FRAS1: variants seen among roughly 807,000 people sequenced by gnomAD.
The protein encoded by FRAS1 is extracellular matrix organizing protein FRAS1.
A neutral mutation model predicts 435.2 loss-of-function variants in FRAS1; 290 were observed. The observed-to-expected ratio is 0.67, with a 90% CI of 0.61 to 0.73. FRAS1 has a LOEUF of 0.73. Ranked by LOEUF, FRAS1 falls within the 30% of genes least tolerant of loss-of-function variation. The pLI is 0.00. For missense variants in FRAS1, 4,860 were observed against 5,001.5 expected, an observed-to-expected ratio of 0.97 and a Z score of 0.85; for synonymous variants, 1,800 against 1,851.0, an observed-to-expected ratio of 0.97 and a Z score of 0.71.
intron 50 of FRAS1, 48 bp from the exon 51 acceptor site, chr4:78,469,930 T>C: frequency 7.4e-7 from 1 of 1,343,144 alleles, no homozygotes; most frequent in Non-Finnish European, 1.1e-6. Flanking sequence ...CCTGACATAC[T>C]TCAGGTACTT....
intron 30 of FRAS1, among the ~76,000 whole-genome samples, chr4:78,401,422 C>T (rs1560706442): frequency 1.3e-5 from 2 of 152,178 alleles, no homozygotes; most frequent in African/African-American, 2.4e-5. Flanking sequence ...ATAAGGTGTT[C>T]GTAGCTGACT....
At position 78,149,674 on chromosome 4, in the gene FRAS1, T is replaced by C. The variant is rs373880980; in HGVS notation, c.108+83658T>C. Among the ~76,000 whole-genome samples the C allele has an allele frequency of 6.2e-4, 94 of 152,332 alleles. 1 individual carries two copies. Among genetic ancestry groups the C allele is most frequent in the African/African-American group, 2.2e-3 (92 of 41,576 alleles). ...CATTCCTTTAAACGGCTAAGTGGGA[T>C]TCCATCTTAGGAATATTCCATTCTT... On this transcript the variant is annotated intron_variant, in intron 2 of 73. Coordinates refer to ENST00000512123, the MANE Select transcript of FRAS1 (RefSeq NM_025074.7).
chr4:78,336,382 G>C lies in FRAS1; in HGVS notation c.2279-1292G>C, dbSNP rs560427098. Reference sequence around the variant, plus strand: ...TTTTGTATGTATAAAATTGTTTAGGGGAGGAAAGTCTGGGTAGATCTAGCT... The same window carrying C: ...TTTTGTATGTATAAAATTGTTTAGGCGAGGAAAGTCTGGGTAGATCTAGCT... On this transcript the variant is annotated intron_variant, in intron 19 of 73. Transcript: ENST00000512123. 1.1e-4 allele frequency among the ~76,000 whole-genome samples: 17 copies of C among 152,226 alleles called. No homozygotes were observed. The South Asian group carries it at 3.5e-3, about 32-fold the overall frequency.
intron 2 of FRAS1, among the ~76,000 whole-genome samples, chr4:78,197,940 CAA>C (rs5859609): frequency 2.5e-3 from 355 of 144,410 alleles, no homozygotes; most frequent in African/African-American, 2.6e-3. Flanking sequence ...GACTCCCTCT[CAA>C]AAAAAAAAAA....
intron 18 of FRAS1, among the ~76,000 whole-genome samples, chr4:78,324,103 C>T (rs1729622447): frequency 6.6e-6 from 1 of 152,136 alleles, no homozygotes; most frequent in Admixed American, 6.5e-5. Flanking sequence ...TTCTTTCTCT[C>T]TTAAAGAGTT....
Position 78,452,214 on chromosome 4 carries a change from T to C in FRAS1, c.6623T>C (p.Leu2208Pro). Reference sequence around the variant, plus strand: ...CCAGTCATCACCACCAATAAAGGACTGGTCTTGGATGAAAACTCAGTGAAG... The same window carrying C: ...CCAGTCATCACCACCAATAAAGGACCGGTCTTGGATGAAAACTCAGTGAAG... Reference protein sequence around the residue: ...SPPVITTNKGLVLDENSVKKI... With the variant: ...SPPVITTNKGPVLDENSVKKI... Residue 2208 changes from leucine (L) to proline (P), a missense_variant, in exon 47 of 74, where the codon CTG (leucine) becomes CCG (proline). Leu to Pro is a moderately conservative substitution (Grantham distance 98). Transcript: ENST00000512123. The C allele has an allele frequency of 1.2e-6, 2 of 1,613,872 alleles. No homozygotes were observed. Among genetic ancestry groups the C allele is most frequent in the Non-Finnish European group, 1.7e-6 (2 of 1,179,760 alleles).
At chr4:78,368,436 C>CA (rs137951442) in intron 22 of FRAS1, among the ~76,000 whole-genome samples, 6,179 of 151,568 alleles carry the variant, frequency 0.041, 180 homozygotes, top group African/African-American at 0.084. Flanking sequence ...TTTCCTCTGA[C>CA]ACGTACTTAG....
rs762422994 is a variant in FRAS1, at chr4:78,473,500, G to A, written c.7585G>A (p.Asp2529Asn). The A allele has an allele frequency of 2.2e-5, 35 of 1,613,340 alleles. No individual in the cohort carries two copies. The East Asian group carries it at 7.8e-4, about 36-fold the overall frequency. The change falls in exon 53 of 74, where the codon GAT (aspartate) becomes AAT (asparagine). Residue 2529 changes from aspartate to asparagine, a missense_variant. Physicochemically the swap from Asp to Asn is conservative, Grantham distance 23 (BLOSUM62 1). Transcript: ENST00000512123. ...LHKEKIREMM[D>N]SFQFLVKDSK... is the part of the protein sequence containing the mutation. ...CAAGGAGAAGATCCGTGAGATGATG[G>A]ATAGTTTTCAGTTTCTGGTGAAAGA...
At chr4:78,386,891 C>T (rs1443994413) in intron 28 of FRAS1, among the ~76,000 whole-genome samples, 1 of 152,072 alleles carries the variant, frequency 6.6e-6, no homozygotes, top group Non-Finnish European at 1.5e-5. Context: ...GGGTGGGGCT[C>T]TGTCAAGATT....
In FRAS1 at chr4:78,354,022, A is replaced by AT. The variant is rs1491221747; in HGVS notation, c.2423-9490dup. Among the ~76,000 whole-genome samples, 5 of 5,298 alleles carry AT rather than the reference A, an allele frequency of 9.4e-4. 1 individual carries two copies. The African/African-American group carries it at 0.016, about 17-fold the overall frequency. 3.5% of individuals were successfully genotyped at this position (5,298 alleles called of 152,430 possible). ...ACAAAAAAATTAAAAAAAAAATAAAATAAAAAAAAAAAAAAAAAAAAAGCT... is the reference window on the plus strand; with the variant it reads ...ACAAAAAAATTAAAAAAAAAATAAAATTAAAAAAAAAAAAAAAAAAAAAGCT... On this transcript the variant is annotated intron_variant, in intron 20 of 73. Coordinates refer to ENST00000512123, the MANE Select transcript of FRAS1 (RefSeq NM_025074.7).
chr4:78,345,627 C>G (rs1432458749), intron 20 of FRAS1, among the ~76,000 whole-genome samples: 1 of 150,792 alleles, frequency 6.6e-6, no homozygotes, highest in Non-Finnish European at 1.5e-5. Flanking sequence ...ACTTTCTTTT[C>G]TTATTTCTCA....
chr4:78,413,321 T>C (rs1008999825), intron 32 of FRAS1, among the ~76,000 whole-genome samples: 6 of 152,204 alleles, frequency 3.9e-5, no homozygotes, highest in East Asian at 3.8e-4. Flanking sequence ...ATCGCTGATG[T>C]CCTTTCTACA....
intron 15 of FRAS1, among the ~76,000 whole-genome samples, chr4:78,312,476 TC>T (rs1287751183): frequency 6.6e-6 from 1 of 152,056 alleles, no homozygotes; most frequent in Non-Finnish European, 1.5e-5. Context: ...TCTTTCCTTT[TC>T]AAAGTTGACT....
intron 70 of FRAS1, among the ~76,000 whole-genome samples, chr4:78,531,651 C>T (rs1156993026): frequency 6.6e-6 from 1 of 152,166 alleles, no homozygotes; most frequent in Non-Finnish European, 1.5e-5. Context: ...ACCTGGTGAC[C>T]TTTCTGTCCT....
chr4:78,517,751 T>C lies in FRAS1; in HGVS notation c.10390-1580T>C, dbSNP rs1037503082. ...AGTAAATATTTGTTGGGTTTTTTTTTCTTTTTAAAGATTAGTGAGTAATAT... is the reference window on the plus strand; with the variant it reads ...AGTAAATATTTGTTGGGTTTTTTTTCCTTTTTAAAGATTAGTGAGTAATAT... On this transcript the variant is annotated intron_variant, in intron 66 of 73. Coordinates refer to ENST00000512123, the MANE Select transcript of FRAS1 (RefSeq NM_025074.7). Among the ~76,000 whole-genome samples the C allele has an allele frequency of 3.3e-5, 5 of 152,318 alleles. No homozygotes were observed. The Middle Eastern group carries it at 0.01, about 311-fold the overall frequency.
intron 2 of FRAS1, among the ~76,000 whole-genome samples, chr4:78,135,130 TC>T (rs1719868856): frequency 6.6e-6 from 1 of 152,124 alleles, no homozygotes; most frequent in African/African-American, 2.4e-5. Flanking sequence ...GCCAAAAACT[TC>T]CCCCTGCACT....
At chr4:78,300,412 A>G (rs536167656) in intron 14 of FRAS1, among the ~76,000 whole-genome samples, 1 of 152,314 alleles carries the variant, frequency 6.6e-6, no homozygotes, top group Non-Finnish European at 1.5e-5. Flanking sequence ...ACAGTTAACA[A>G]AATAGAAATG....
intron 14 of FRAS1, among the ~76,000 whole-genome samples, chr4:78,302,554 G>T (rs1357742087): frequency 1.3e-5 from 2 of 152,136 alleles, no homozygotes; most frequent in Non-Finnish European, 2.9e-5. Flanking sequence ...ATTCTAACTG[G>T]TGTGAGATGG....
At chr4:78,363,735 A>T in intron 21 of FRAS1, 70 bp downstream of exon 21, 1 of 1,506,980 alleles carries the variant, frequency 6.6e-7, no homozygotes, top group Non-Finnish European at 9.0e-7. Context: ...GCTGGGAAGG[A>T]TCAACCTTTC....
Sources: allele counts gnomAD v4.1 joint callset (sites outside exome capture counted in the v4.1 genomes callset), GRCh38; gene constraint gnomAD v4.1.1; transcripts MANE v1.5; gene names NCBI Gene and HGNC (gene_info 2026-07-23, HGNC 2026-07-21).